TECTA: variants seen among roughly 807,000 people sequenced by gnomAD.
The protein encoded by TECTA is alpha-tectorin.
In TECTA, 128 loss-of-function variants were observed where a neutral mutation model predicts 216.8. The ratio of observed to expected loss-of-function variants is 0.59; its 90% CI spans 0.51 to 0.68. The LOEUF (loss-of-function observed/expected upper bound fraction) is 0.68. Ranked by LOEUF, TECTA falls within the 30% of genes least tolerant of loss-of-function variation. The pLI is 0.00. For synonymous variants in TECTA, 1,089 were observed against 1,117.1 expected (o/e 0.97, Z 0.50); for missense variants, 2,551 against 2,786.2 (o/e 0.92, Z 1.90).
In TECTA at chr11:121,145,606, A is replaced by G; in HGVS notation, c.3595A>G (p.Asn1199Asp). The change falls in exon 12 of 24, where the codon AAT (asparagine) becomes GAT (aspartate). Residue 1199 changes from asparagine (N) to aspartate (D), a missense_variant. Transcript: ENST00000392793. ...LPLKLGQGKINIFSFGFHVVV... is the reference protein window; with the variant it reads ...LPLKLGQGKIDIFSFGFHVVV... Reference sequence around the variant, plus strand: ...CCTGAAGCTGGGGCAAGGGAAGATAAATATCTTTTCCTTTGGCTTCCACGT... The same window carrying G: ...CCTGAAGCTGGGGCAAGGGAAGATAGATATCTTTTCCTTTGGCTTCCACGT... 6.2e-7 allele frequency: 1 copy of G among 1,614,182 alleles called. No homozygotes were observed. The highest frequency in any genetic ancestry group is 8.5e-7 in the Non-Finnish European group (1 of 1,180,032).
At chr11:121,118,766 C>A in intron 7 of TECTA, 48 bp downstream of exon 7, 1 of 1,608,360 alleles carries the variant, frequency 6.2e-7, no homozygotes. Context: ...GCTGGAGATT[C>A]TTCAGCCTAG....
In TECTA at chr11:121,167,177, T is replaced by G. The variant is rs148584976; in HGVS notation, c.5586+397T>G. On this transcript the variant is annotated intron_variant, in intron 18 of 23. Transcript: ENST00000392793. Reference sequence around the variant, plus strand: ...CAAGTGCTATGGCTCATGCCTGTAATCCCAGCACTTTGGGAGGCCAAGGCA... The same window carrying G: ...CAAGTGCTATGGCTCATGCCTGTAAGCCCAGCACTTTGGGAGGCCAAGGCA... 2.6e-5 allele frequency among the ~76,000 whole-genome samples: 4 copies of G among 152,320 alleles called. No homozygotes were observed. In the East Asian group the frequency reaches 7.7e-4, roughly 29 times the overall value.
At position 121,145,959 on chromosome 11, in the gene TECTA, CAA is replaced by C. The variant is rs867810468; in HGVS notation, c.3950_3951del (p.Lys1317SerfsTer2). 9.9e-6 allele frequency: 16 copies of C among 1,614,148 alleles called. No individual in the cohort carries two copies. Among genetic ancestry groups the C allele is most frequent in the African/African-American group, 1.3e-5 (1 of 74,960 alleles). On this transcript the variant is annotated frameshift_variant, in exon 12 of 24. Transcript: ENST00000392793. LOFTEE classifies it high-confidence loss of function. ...QNAAFSKCHS[K>X]VNPTFFYKNC... ...ACGCTGCCTTCTCCAAGTGTCACAG[CAA>C]AGTTAACCCCACCTTCTTCTATAAG...
At chr11:121,136,930 G>T (rs1946733007) in intron 10 of TECTA, among the ~76,000 whole-genome samples, 1 of 152,248 alleles carries the variant, frequency 6.6e-6, no homozygotes, top group Non-Finnish European at 1.5e-5. Flanking sequence ...TGCCTGGCAT[G>T]TCGCAGGTGC....
chr11:121,189,938 C>G (rs1361872284), intron 23 of TECTA, 58 bp downstream of exon 23: 1 of 1,417,592 alleles, frequency 7.1e-7, no homozygotes. Context: ...TTCTTTACCA[C>G]CAGAAGGAGA....
Position 121,145,711 on chromosome 11 carries a change from C to T in TECTA, c.3700C>T (p.Gln1234Ter), listed in dbSNP as rs751525777. ...FLSITVPRSM[Q>*]NSTYGLCGRY... The stretch of plus-strand genomic sequence containing the variant: ...GTCCATCACAGTCCCTCGGAGCATG[C>T]AGAACAGCACCTATGGTCTGTGTGG... Residue 1234 changes from glutamine to a stop codon, truncating the protein, a stop_gained, in exon 12 of 24, where the codon CAG becomes TAG. Coordinates refer to ENST00000392793, the MANE Select transcript of TECTA (RefSeq NM_005422.4). LOFTEE classifies it high-confidence loss of function. 3.1e-6 allele frequency: 5 copies of T among 1,614,118 alleles called. No homozygotes were observed. Among genetic ancestry groups the T allele is most frequent in the Non-Finnish European group, 3.4e-6 (4 of 1,180,050 alleles).
rs2134218715 is a variant in TECTA, at chr11:121,190,793, G to C, written c.6455G>C (p.Gly2152Ala). The part of the protein sequence containing the change: ...ISLWHFVYKS[G>A]TTS ...TTATGGCATTTTGTCTATAAATCAG[G>C]CACGACCTCATAATTAACTCAAGGT... Residue 2152 changes from glycine to alanine, a missense_variant, in exon 24 of 24, where the codon GGC (glycine) becomes GCC (alanine). Transcript: ENST00000392793. 6.2e-7 allele frequency: 1 copy of C among 1,612,040 alleles called. No individual in the cohort carries two copies. Among genetic ancestry groups the C allele is most frequent in the Middle Eastern group, 1.7e-4 (1 of 6,054 alleles).
intron 22 of TECTA, 112 bp from the exon 23 acceptor site, chr11:121,189,652 G>T (rs1330823250): frequency 2.9e-6 from 3 of 1,018,116 alleles, no homozygotes. Context: ...GGGATTACAG[G>T]CGTGAGCCAC....
At chr11:121,135,743 C>T (rs879794393) in intron 10 of TECTA, among the ~76,000 whole-genome samples, 13 of 152,282 alleles carry the variant, frequency 8.5e-5, no homozygotes, top group Middle Eastern at 3.4e-3. Flanking sequence ...GGTATGTATA[C>T]GAGCCAAAGA....
At chr11:121,158,893 C>A (rs1946971299) in intron 14 of TECTA, among the ~76,000 whole-genome samples, 1 of 152,288 alleles carries the variant, frequency 6.6e-6, no homozygotes, top group East Asian at 1.9e-4. Context: ...GACTTGAATT[C>A]CTCCCACCCC....
intron 20 of TECTA, among the ~76,000 whole-genome samples, chr11:121,176,777 CT>C (rs1947171709): frequency 6.6e-6 from 1 of 152,014 alleles, no homozygotes; most frequent in Admixed American, 6.6e-5. Context: ...TATTTTCCAA[CT>C]TGGTTCCATT....
chr11:121,130,879 C>T (rs1294973647), intron 10 of TECTA, among the ~76,000 whole-genome samples: 3 of 152,160 alleles, frequency 2.0e-5, no homozygotes, highest in Non-Finnish European at 1.5e-5. Flanking sequence ...CCCTCTCCCA[C>T]CACAAAGGTG....
At position 121,127,089 on chromosome 11, in the gene TECTA, T is replaced by C. The variant is rs1265738895; in HGVS notation, c.1775-663T>C. Among the ~76,000 whole-genome samples the C allele has an allele frequency of 6.6e-6, 1 of 152,240 alleles. No individual in the cohort carries two copies. Among genetic ancestry groups the C allele is most frequent in the Non-Finnish European group, 1.5e-5 (1 of 68,036 alleles). ...AACATTTATGTAGACCCAGATGTTATTAAAGCAAGAACCGAAGATTTCTAA... is the reference window on the plus strand; with the variant it reads ...AACATTTATGTAGACCCAGATGTTACTAAAGCAAGAACCGAAGATTTCTAA... On this transcript the variant is annotated intron_variant, in intron 8 of 23. Coordinates refer to ENST00000392793, the MANE Select transcript of TECTA (RefSeq NM_005422.4). This position sits in a 1 kb window ranked among gnomAD's most constrained non-coding sequence, Gnocchi z 5.0.
chr11:121,137,286 A>G (rs562960352), intron 10 of TECTA, 135 bp from the exon 11 acceptor site: 10 of 1,156,310 alleles, frequency 8.6e-6, no homozygotes, highest in Admixed American at 6.8e-5. Context: ...ATGCATGCAT[A>G]CACAAATGCA....
In TECTA at chr11:121,187,866, G is replaced by A. The variant is rs146295586; in HGVS notation, c.6034G>A (p.Glu2012Lys). The A allele has an allele frequency of 1.1e-4, 176 of 1,614,210 alleles. No homozygotes were observed. Among genetic ancestry groups the A allele is most frequent in the East Asian group, 2.0e-4 (9 of 44,892 alleles). ...QNLKDNTIGI[E>K]ENAVSLTCRF... ...CCTCAAAGATAACACCATTGGCATCGAGGAGAATGCAGTCTCCCTGACCTG... is the reference window on the plus strand; with the variant it reads ...CCTCAAAGATAACACCATTGGCATCAAGGAGAATGCAGTCTCCCTGACCTG... The change falls in exon 21 of 24, where the codon GAG (glutamate) becomes AAG (lysine). Residue 2012 changes from glutamate to lysine, a missense_variant. Transcript: ENST00000392793.
intron 20 of TECTA, among the ~76,000 whole-genome samples, chr11:121,170,444 T>C (rs542458275): frequency 6.7e-6 from 1 of 148,660 alleles, no homozygotes; most frequent in African/African-American, 2.6e-5. Flanking sequence ...TTTTGTTTGG[T>C]TTTGTTTTGT....
chr11:121,186,918 T>C (rs1947294068), intron 20 of TECTA, among the ~76,000 whole-genome samples: 1 of 152,196 alleles, frequency 6.6e-6, no homozygotes, highest in African/African-American at 2.4e-5. Flanking sequence ...TGACAGAAGT[T>C]TTCAAATACA....
At position 121,145,600 on chromosome 11, in the gene TECTA, A is replaced by G. The variant is rs71486353; in HGVS notation, c.3589A>G (p.Lys1197Glu). ...LYLPLKLGQG[K>E]INIFSFGFHV... Reference sequence around the variant, plus strand: ...TCTGCCCCTGAAGCTGGGGCAAGGGAAGATAAATATCTTTTCCTTTGGCTT... The same window carrying G: ...TCTGCCCCTGAAGCTGGGGCAAGGGGAGATAAATATCTTTTCCTTTGGCTT... Residue 1197 changes from lysine (K) to glutamate (E), a missense_variant, in exon 12 of 24, where the codon AAG becomes GAG. Physicochemically the swap from Lys to Glu is moderately conservative, Grantham distance 56 (BLOSUM62 1). Transcript: ENST00000392793. 1.9e-6 allele frequency: 3 copies of G among 1,614,192 alleles called. No individual in the cohort carries two copies. Among genetic ancestry groups the G allele is most frequent in the South Asian group, 1.1e-5 (1 of 91,082 alleles).
rs1591438002 is a variant in TECTA at position 121,113,775 on chromosome 11, G to A, written c.790+57G>A. ...GGGTTTGTTTAGTGTAGATTGACAG[G>A]CAAGCTTTTAAGCCACGGGGGCGGA... On this transcript the variant is annotated intron_variant, in intron 6 of 23. Coordinates refer to ENST00000392793, the MANE Select transcript of TECTA (RefSeq NM_005422.4). This position sits in a 1 kb window ranked among gnomAD's most constrained non-coding sequence, Gnocchi z 4.2. 12 of 1,606,292 alleles carry A rather than the reference G, an allele frequency of 7.5e-6. No homozygotes were observed. The East Asian group carries it at 8.9e-5, about 12-fold the overall frequency.
Sources: gnomAD v4.1 joint callset for allele counts (sites outside exome capture counted in the v4.1 genomes callset) on GRCh38, gnomAD v4.1.1 for gene constraint, Gnocchi (gnomAD v3.1) non-coding constraint, MANE v1.5 for transcripts, NCBI Gene and HGNC (gene_info 2026-07-23, HGNC 2026-07-21) for gene names.